PCDH15: variants seen among roughly 807,000 people sequenced by gnomAD.
The protein encoded by PCDH15 is protocadherin-15.
A neutral mutation model predicts 178.5 loss-of-function variants in PCDH15; 129 were observed. The ratio of observed to expected loss-of-function variants is 0.72; its 90% CI spans 0.63 to 0.84. The LOEUF (loss-of-function observed/expected upper bound fraction) is 0.84. PCDH15 is among the 40% of genes least tolerant of loss of function. PCDH15 has a pLI of 0.00. For missense variants in PCDH15, 2,230 were observed against 2,099.9 expected, an observed-to-expected ratio of 1.06 and a Z score of -1.21; for synonymous variants, 800 against 732.0, an observed-to-expected ratio of 1.09 and a Z score of -1.50.
At chr10:55,293,195 CT>C (rs1166446395) in intron 1 of PCDH15, among the ~76,000 whole-genome samples, 1 of 152,154 alleles carries the variant, frequency 6.6e-6, no homozygotes, top group Non-Finnish European at 1.5e-5. Context: ...GAAGCCATGG[CT>C]TGAGCTCTGT....
At chr10:54,981,457 C>T (rs1839230204) in intron 2 of PCDH15, among the ~76,000 whole-genome samples, 1 of 152,062 alleles carries the variant, frequency 6.6e-6, no homozygotes, top group South Asian at 2.1e-4. Context: ...CTGAAATCAA[C>T]TATGATATAA....
At chr10:55,081,964 C>T (rs1007259909) in intron 2 of PCDH15, among the ~76,000 whole-genome samples, 1 of 152,064 alleles carries the variant, frequency 6.6e-6, no homozygotes, top group African/African-American at 2.4e-5. Context: ...CACACCCCTA[C>T]ATGATAATAG....
At chr10:54,268,490 G>A (rs1485839486) in intron 8 of PCDH15, among the ~76,000 whole-genome samples, 3 of 151,792 alleles carry the variant, frequency 2.0e-5, no homozygotes, top group Non-Finnish European at 4.4e-5. Context: ...ATATGAAATA[G>A]CAAAGGCATG....
At position 53,823,041 on chromosome 10, in the gene PCDH15, G is replaced by GACTT. The variant is rs730880357; in HGVS notation, c.4368-2815_4368-2812dup. On this transcript the variant is annotated intron_variant, in intron 32 of 37. Coordinates refer to ENST00000644397, the MANE Select transcript of PCDH15 (RefSeq NM_001384140.1). ...AATCTTTTCTCTTGGGCCCCTCAGA[G>GACTT]ACTTACTCTTGGCTTGTATTTTGGG... is the stretch of plus-strand genomic sequence containing the variant. 131 of 1,613,908 alleles carry GACTT rather than the reference G, an allele frequency of 8.1e-5. No individual in the cohort carries two copies. The highest frequency in any genetic ancestry group is 8.0e-4 in the African/African-American group (60 of 74,914).
At position 54,881,197 on chromosome 10, in the gene PCDH15, C is replaced by T. The variant is rs148390366; in HGVS notation, c.-29+16253G>A. ...TCCAGGGTAAAAGGAGAACATAGTT[C>T]GGCAGCTTCATAGCAGGGGCGCTTT... is the stretch of plus-strand genomic sequence containing the variant. On this transcript the variant is annotated intron_variant, in intron 3 of 5. Coordinates refer to the PCDH15 transcript ENST00000458638. Among the ~76,000 whole-genome samples, 1,063 of 152,080 alleles carry T rather than the reference C, an allele frequency of 7.0e-3. 9 individuals carry two copies. Among genetic ancestry groups the T allele is most frequent in the Non-Finnish European group, 0.012 (795 of 67,972 alleles).
chr10:54,874,226 G>A (rs1340524690), intron 3 of PCDH15, among the ~76,000 whole-genome samples: 1 of 133,370 alleles, frequency 7.5e-6, no homozygotes, highest in Non-Finnish European at 1.6e-5. Context: ...TGCGGTGTTT[G>A]GTTTTTTGTT....
chr10:54,255,968 A>G (rs1262260731), intron 8 of PCDH15, among the ~76,000 whole-genome samples: 1 of 152,234 alleles, frequency 6.6e-6, no homozygotes, highest in East Asian at 1.9e-4. Flanking sequence ...TAAACTCCTT[A>G]TATGAAATAA....
chr10:54,909,880 C>A (rs11004628), intron 2 of PCDH15, among the ~76,000 whole-genome samples: 17,069 of 152,124 alleles, frequency 0.11, 1,313 homozygotes, highest in East Asian at 0.23. Flanking sequence ...CTCAGCCAGG[C>A]CCCTCACGAT....
chr10:54,172,093 C>G (rs2046971927), intron 13 of PCDH15, among the ~76,000 whole-genome samples: 1 of 152,088 alleles, frequency 6.6e-6, no homozygotes, highest in African/African-American at 2.4e-5. Flanking sequence ...CCATCGCATC[C>G]CCTGTGACTT....
At chr10:55,358,666 G>T (rs748952625) in intron 2 of PCDH15, among the ~76,000 whole-genome samples, 3 of 151,882 alleles carry the variant, frequency 2.0e-5, no homozygotes, top group East Asian at 1.9e-4. Context: ...TTCCCATTTT[G>T]CAGTAGATGG....
chr10:54,953,591 A>G (rs1013906103), intron 2 of PCDH15, among the ~76,000 whole-genome samples: 10 of 151,206 alleles, frequency 6.6e-5, no homozygotes, highest in African/African-American at 2.2e-4. Context: ...TGTCTTTTTG[A>G]CGTAGCTTCA....
chr10:54,201,925 C>T (rs190018369), intron 10 of PCDH15, among the ~76,000 whole-genome samples: 1 of 152,316 alleles, frequency 6.6e-6, no homozygotes, highest in Admixed American at 6.5e-5. Flanking sequence ...GAATGGGCCT[C>T]ACCCAGCCCC....
chr10:54,136,575 C>T (rs886819129), intron 14 of PCDH15, among the ~76,000 whole-genome samples: 1 of 152,114 alleles, frequency 6.6e-6, no homozygotes, highest in Admixed American at 6.6e-5. Flanking sequence ...AGTTAAACTA[C>T]ACTTATTATA....
At chr10:54,883,173 C>A (rs1311973632) in intron 3 of PCDH15, among the ~76,000 whole-genome samples, 1 of 151,998 alleles carries the variant, frequency 6.6e-6, no homozygotes, top group Non-Finnish European at 1.5e-5. Flanking sequence ...CAGCTACTCT[C>A]TTGAATTTAT....
intron 2 of PCDH15, among the ~76,000 whole-genome samples, chr10:55,039,229 A>C (rs576201126): frequency 6.6e-6 from 1 of 152,242 alleles, no homozygotes; most frequent in African/African-American, 2.4e-5. Context: ...TAAAAAATTA[A>C]GATGTGAGAT....
intron 21 of PCDH15, among the ~76,000 whole-genome samples, chr10:53,969,024 G>T (rs2089366494): frequency 6.6e-6 from 1 of 152,192 alleles, no homozygotes; most frequent in Non-Finnish European, 1.5e-5. Flanking sequence ...GTTGAGAGAA[G>T]AAGGCTTCAG....
At position 53,938,814 on chromosome 10, in the gene PCDH15, C is replaced by T. The variant is rs2085799827; in HGVS notation, c.3373+1G>A. 1 of 1,612,598 alleles carries T rather than the reference C, an allele frequency of 6.2e-7. No individual in the cohort carries two copies. The highest frequency in any genetic ancestry group is 8.5e-7 in the Non-Finnish European group (1 of 1,179,502). ...TAAAAGCTTTAAGTAGTATAACTTA[C>T]TTTTTGAAGGAACTCGGAGATTGGC... On this transcript the variant is annotated splice_donor_variant, in intron 25 of 37. Coordinates refer to ENST00000644397, the MANE Select transcript of PCDH15 (RefSeq NM_001384140.1). LOFTEE classifies it high-confidence loss of function.
At chr10:54,471,250 T>A (rs2077899785) in intron 3 of PCDH15, among the ~76,000 whole-genome samples, 1 of 151,940 alleles carries the variant, frequency 6.6e-6, no homozygotes, top group Non-Finnish European at 1.5e-5. Context: ...TCTTTAAGTA[T>A]GCCAAGGAGG....
At chr10:55,041,135 A>G (rs1490135629) in intron 2 of PCDH15, among the ~76,000 whole-genome samples, 1 of 152,174 alleles carries the variant, frequency 6.6e-6, no homozygotes, top group Non-Finnish European at 1.5e-5. Context: ...CATGTCTATC[A>G]TCCTATAGCA....
Sources: allele counts gnomAD v4.1 joint callset (sites outside exome capture counted in the v4.1 genomes callset), GRCh38; gene constraint gnomAD v4.1.1; transcripts MANE v1.5; gene names NCBI Gene and HGNC (gene_info 2026-07-23, HGNC 2026-07-21).